UBAP2: variants seen among roughly 807,000 people sequenced by gnomAD.
The protein encoded by UBAP2 is ubiquitin associated protein 2.
A neutral mutation model predicts 139.6 loss-of-function variants in UBAP2; 75 were observed. The observed-to-expected ratio is 0.54, with a 90% CI of 0.45 to 0.65. The LOEUF (loss-of-function observed/expected upper bound fraction) is 0.65. UBAP2 is among the 30% of genes least tolerant of loss of function. UBAP2 has a pLI of 0.00. For missense variants in UBAP2, 1,368 were observed against 1,369.6 expected, an observed-to-expected ratio of 1.00 and a Z score of 0.02; for synonymous variants, 526 against 526.2, an observed-to-expected ratio of 1.00 and a Z score of 0.01.
At chr9:33,956,342 A>T (rs2130989312) in intron 10 of UBAP2, among the ~76,000 whole-genome samples, 196 bp from the exon 11 acceptor site, 1 of 145,804 alleles carries the variant, frequency 6.9e-6, no homozygotes, top group South Asian at 2.2e-4. Context: ...TTTTTGAGAC[A>T]GGGTCTGGCG....
chr9:33,927,226 T>C, intron 20 of UBAP2, 146 bp from the exon 21 acceptor site: 2 of 628,392 alleles, frequency 3.2e-6, no homozygotes, highest in Non-Finnish European at 5.5e-6. Context: ...AGGGTCATTC[T>C]ACAAAGCAGT....
intron 10 of UBAP2, 121 bp from the exon 11 acceptor site, chr9:33,956,267 G>A: frequency 1.2e-5 from 7 of 579,222 alleles, no homozygotes; most frequent in South Asian, 5.3e-5. Context: ...CTATTCTAAA[G>A]AAAATGAAAT....
intron 9 of UBAP2, among the ~76,000 whole-genome samples, chr9:33,961,960 T>C (rs1827079227): frequency 6.6e-6 from 1 of 152,234 alleles, no homozygotes; most frequent in Admixed American, 6.5e-5. Context: ...TGAAATGTGA[T>C]GTAAACTGTG....
intron 6 of UBAP2, among the ~76,000 whole-genome samples, chr9:33,977,550 C>A (rs937532719): frequency 6.6e-6 from 1 of 151,972 alleles, no homozygotes; most frequent in Non-Finnish European, 1.5e-5. Flanking sequence ...TCACAAAAAC[C>A]AAGTCCAACG....
At chr9:33,997,115 C>T (rs1822272287) in intron 3 of UBAP2, 1 of 152,118 alleles carries the variant, frequency 6.6e-6, no homozygotes, top group Non-Finnish European at 1.5e-5. Flanking sequence ...AAGTGGAATT[C>T]TGCTACTATC....
chr9:33,994,661 G>T (rs1821998286), intron 4 of UBAP2: 3 of 145,650 alleles, frequency 2.1e-5, no homozygotes, highest in Non-Finnish European at 1.5e-5. Flanking sequence ...ATATAATATG[G>T]TTTTCCCAAA....
intron 4 of UBAP2, among the ~76,000 whole-genome samples, chr9:33,992,731 G>C (rs1266374136): frequency 1.3e-5 from 2 of 151,834 alleles, no homozygotes; most frequent in East Asian, 3.9e-4. Flanking sequence ...CTGCTAAAAA[G>C]ATTACTGTGT....
intron 20 of UBAP2, 114 bp from the exon 21 acceptor site, chr9:33,927,194 G>A (rs1823516204): frequency 1.3e-6 from 1 of 746,006 alleles, no homozygotes; most frequent in African/African-American, 1.8e-5. Flanking sequence ...GTTCAAAGAA[G>A]GGCAGTGGCC....
chr9:33,924,067 G>A lies in UBAP2; in HGVS notation c.2591-67C>T, dbSNP rs1428781013. On this transcript the variant is annotated intron_variant, in intron 23 of 28. Coordinates refer to ENST00000379238, the MANE Select transcript of UBAP2 (RefSeq NM_001370062.2). ...CCAGAGAAAGGCCACACTGGCTTCT[G>A]CAAACAGGAACAGGTCTGGCTGCCA... 5 of 1,599,178 alleles carry A rather than the reference G, an allele frequency of 3.1e-6. No individual in the cohort carries two copies. In the East Asian group the frequency reaches 1.1e-4, roughly 36 times the overall value.
intron 20 of UBAP2, 102 bp downstream of exon 20, chr9:33,927,695 G>A (rs1416698810): frequency 4.2e-5 from 53 of 1,257,834 alleles, no homozygotes; most frequent in South Asian, 1.0e-4. Context: ...CGCACTCGGC[G>A]GGCCTGAGAC....
chr9:34,017,484 T>C (rs1047620836), intron 1 of UBAP2, among the ~76,000 whole-genome samples: 8 of 152,208 alleles, frequency 5.3e-5, no homozygotes, highest in African/African-American at 1.9e-4. Context: ...AAGTGCTATC[T>C]GCCTCTTACT....
At chr9:33,935,610 A>G (rs1168145877) in intron 17 of UBAP2, 2 of 584,840 alleles carry the variant, frequency 3.4e-6, no homozygotes, top group Non-Finnish European at 6.1e-6. Flanking sequence ...CTTGTGGTGC[A>G]GTCTGATTAG....
At chr9:33,971,355 A>G (rs895978619) in intron 8 of UBAP2, among the ~76,000 whole-genome samples, 2 of 152,212 alleles carry the variant, frequency 1.3e-5, no homozygotes, top group African/African-American at 4.8e-5. Flanking sequence ...GAAATTCTAT[A>G]TATCTGTGAC....
At position 34,022,233 on chromosome 9, in the gene UBAP2, G is replaced by A. The variant is rs189617681; in HGVS notation, c.-41-5044C>T. On this transcript the variant is annotated intron_variant, in intron 1 of 28. Transcript: ENST00000379238. ...GCACTCCAACCTGGGCAACAAGAGC[G>A]AGACACCATCTAAAAAAATAAAAAT... Among the ~76,000 whole-genome samples, 16 of 151,980 alleles carry A rather than the reference G, an allele frequency of 1.1e-4. No homozygotes were observed. The East Asian group carries it at 2.7e-3, about 26-fold the overall frequency.
chr9:34,013,101 C>T lies in UBAP2; in HGVS notation c.99+3949G>A, dbSNP rs551668014. On this transcript the variant is annotated intron_variant, in intron 2 of 28. Transcript: ENST00000379238. ...CCCAGGAGGCACAGTTGCCGTTAGC[C>T]GAGATCAAGCCACTGCACTGCAGCC... Among the ~76,000 whole-genome samples the T allele has an allele frequency of 3.6e-5, 5 of 137,700 alleles. No individual in the cohort carries two copies. The East Asian group carries it at 6.2e-4, about 17-fold the overall frequency. 90.3% of individuals were successfully genotyped at this position (137,700 alleles called of 152,430 possible). A position where few individuals can be genotyped will look rare whatever the true frequency, so the allele number is the denominator to read the frequency against.
chr9:34,040,754 C>T (rs1221300078), intron 1 of UBAP2, among the ~76,000 whole-genome samples: 1 of 152,152 alleles, frequency 6.6e-6, no homozygotes, highest in African/African-American at 2.4e-5. Context: ...AGAATGAATT[C>T]CCAATTCTTA....
chr9:34,010,933 T>C (rs780615956), intron 2 of UBAP2, among the ~76,000 whole-genome samples: 1 of 152,050 alleles, frequency 6.6e-6, no homozygotes, highest in Non-Finnish European at 1.5e-5. Flanking sequence ...GCTGAAATCT[T>C]TGTGGAAAAA....
chr9:34,033,505 T>C (rs1758629), intron 1 of UBAP2, among the ~76,000 whole-genome samples: 38,089 of 151,902 alleles, frequency 0.25, 5,598 homozygotes, highest in East Asian at 0.59. Flanking sequence ...GGGATGGTTA[T>C]TGAGTACAAA....
At position 34,047,103 on chromosome 9, in the gene UBAP2, T is replaced by C. The variant is rs116335299; in HGVS notation, c.-42+1722A>G. ...CTCATTCTCTCCCATGCCACCACTT[T>C]CGGGCATATTTCAATCACAACAAAA... On this transcript the variant is annotated intron_variant, in intron 1 of 28. Coordinates refer to ENST00000379238, the MANE Select transcript of UBAP2 (RefSeq NM_001370062.2). 1.9e-3 allele frequency among the ~76,000 whole-genome samples: 286 copies of C among 152,216 alleles called. 1 individual carries two copies. Among genetic ancestry groups the C allele is most frequent in the African/African-American group, 6.6e-3 (275 of 41,538 alleles).
Sources: gnomAD v4.1 joint callset for allele counts (sites outside exome capture counted in the v4.1 genomes callset) on GRCh38, gnomAD v4.1.1 for gene constraint, MANE v1.5 for transcripts, NCBI Gene and HGNC (gene_info 2026-07-23, HGNC 2026-07-21) for gene names.